The following CFAP46 variants were observed in gnomAD, a reference collection of about 807,000 sequenced individuals.
CFAP46 encodes cilia- and flagella-associated protein 46.
Under a neutral mutation model 325.7 loss-of-function variants are expected in CFAP46, and 245 were observed. The ratio of observed to expected loss-of-function variants is 0.75; its 90% CI spans 0.68 to 0.84. CFAP46 has a LOEUF of 0.84. Ranked by LOEUF, CFAP46 falls within the 40% of genes least tolerant of loss-of-function variation. The probability of loss-of-function intolerance (pLI) is 0.00; values close to 1 mark genes in which losing one functional copy is unlikely to be tolerated. For synonymous variants in CFAP46, 1,523 were observed against 1,495.9 expected (o/e 1.02, Z -0.42); for missense variants, 3,346 against 3,543.0 (o/e 0.94, Z 1.41).
At chr10:132,903,375 C>T (rs559414370) in intron 22 of CFAP46, among the ~76,000 whole-genome samples, 24 of 152,184 alleles carry the variant, frequency 1.6e-4, no homozygotes, top group Non-Finnish European at 2.5e-4. Flanking sequence ...CCCCACCTGC[C>T]GCGTCACATC....
intron 16 of CFAP46, 138 bp from the exon 17 acceptor site, chr10:132,916,820 T>C: frequency 7.9e-7 from 1 of 1,268,852 alleles, no homozygotes; most frequent in South Asian, 1.8e-5. Flanking sequence ...GCTGTGCCCT[T>C]TGCAAGCTGG....
intron 39 of CFAP46, among the ~76,000 whole-genome samples, chr10:132,852,425 ACTTAGGAATTCTCAGATCC>A: frequency 7.2e-6 from 1 of 137,994 alleles, no homozygotes; most frequent in African/African-American, 2.8e-5. Flanking sequence ...TCCTCCATTT[ACTTAGGAATTCTCAGATCC>A]TGATCCACAG....
intron 44 of CFAP46, among the ~76,000 whole-genome samples, chr10:132,840,171 A>G (rs995362604): frequency 1.3e-5 from 2 of 152,180 alleles, no homozygotes; most frequent in Non-Finnish European, 2.9e-5. Flanking sequence ...TGGATTTTCT[A>G]CGCTTCTGTT....
At position 132,937,609 on chromosome 10, in the gene CFAP46, T is replaced by C; in HGVS notation, c.603A>G (p.Ala201=). The C allele has an allele frequency of 6.2e-7, 1 of 1,613,648 alleles. No homozygotes were observed. Among genetic ancestry groups the C allele is most frequent in the African/African-American group, 1.3e-5 (1 of 75,076 alleles). ...KEEAARFCST[A]APFIKSHVPQ... ...GCACGTGAGACTTAATGAACGGAGC[T>C]GCCGTGGAGCAGAACCTGGCAGCCT... is the stretch of plus-strand genomic sequence containing the variant. The change falls in exon 6 of 58, where the codon GCA becomes GCG. Residue 201 remains alanine, a synonymous_variant. Coordinates refer to ENST00000368586, the MANE Select transcript of CFAP46 (RefSeq NM_001200049.3).
chr10:132,892,272 G>T (rs899254408), intron 25 of CFAP46, 61 bp downstream of exon 25: 2 of 1,475,552 alleles, frequency 1.4e-6, no homozygotes, highest in African/African-American at 2.8e-5. Context: ...TTTAAAATTG[G>T]CTCAAGTCCT....
At position 132,859,114 on chromosome 10, in the gene CFAP46, C is replaced by T; in HGVS notation, c.5332G>A (p.Glu1778Lys). Residue 1778 changes from glutamate (E) to lysine (K), a missense_variant, in exon 38 of 58, where the codon GAG (glutamate) becomes AAG (lysine). By Grantham distance (56) the Glu-to-Lys change is moderately conservative. Transcript: ENST00000368586. Reference sequence around the variant, plus strand: ...TCTAGTTTTACGTCAACACAATTCTCTTTGCAGCCACAGTCGATAAACTTT... The same window carrying T: ...TCTAGTTTTACGTCAACACAATTCTTTTTGCAGCCACAGTCGATAAACTTT... The part of the protein sequence containing the change: ...ERKFIDCGCK[E>K]NCVDVKLERA... 1.9e-6 allele frequency: 3 copies of T among 1,550,958 alleles called. No individual in the cohort carries two copies. The highest frequency in any genetic ancestry group is 2.6e-6 in the Non-Finnish European group (3 of 1,147,084).
chr10:132,852,622 TTTAC>T (rs1848577010), intron 39 of CFAP46, among the ~76,000 whole-genome samples: 1 of 152,180 alleles, frequency 6.6e-6, no homozygotes, highest in Non-Finnish European at 1.5e-5. Flanking sequence ...TGTTTCTCCA[TTTAC>T]TTAGACATTC....
chr10:132,877,012 C>T lies in CFAP46; in HGVS notation c.4213-51G>A, dbSNP rs1848966034. 1.3e-6 allele frequency: 2 copies of T among 1,522,860 alleles called. No individual in the cohort carries two copies. The highest frequency in any genetic ancestry group is 1.3e-5 in the South Asian group (1 of 79,216). The allele number at this position is 1,522,860 out of a possible 1,614,324, so 94.3% of individuals were successfully genotyped here. A position where few individuals can be genotyped will look rare whatever the true frequency, so the allele number is the denominator to read the frequency against. ...ACCTGAAACGGTGGAGGTGAAACAG[C>T]AGACACCCCCGGCCCACCGGCATGG... On this transcript the variant is annotated intron_variant, in intron 30 of 57. Transcript: ENST00000368586. This position sits in a 1 kb window ranked among gnomAD's most constrained non-coding sequence, Gnocchi z 5.7.
At chr10:132,866,951 C>G (rs1848822780) in intron 34 of CFAP46, among the ~76,000 whole-genome samples, 1 of 152,200 alleles carries the variant, frequency 6.6e-6, no homozygotes, top group Non-Finnish European at 1.5e-5. Context: ...TTCGCTGCCC[C>G]CACCTTCTCT....
intron 54 of CFAP46, 63 bp from the exon 55 acceptor site, chr10:132,812,960 G>A (rs878912200): frequency 9.0e-5 from 119 of 1,328,224 alleles, no homozygotes; most frequent in South Asian, 8.3e-4. Flanking sequence ...CCCACCGTGC[G>A]TTCTTAAAGC....
chr10:132,810,632 G>A (rs577985701), intron 56 of CFAP46, 143 bp from the exon 57 acceptor site: 19 of 797,862 alleles, frequency 2.4e-5, no homozygotes, highest in Admixed American at 1.4e-4. Flanking sequence ...CAGCAGCGTC[G>A]GCCACTGGTT....
At chr10:132,918,657 C>T (rs1849674457) in intron 15 of CFAP46, 137 bp from the exon 16 acceptor site, 4 of 1,188,874 alleles carry the variant, frequency 3.4e-6, no homozygotes, top group African/African-American at 1.5e-5. Flanking sequence ...GGCGGGTAGG[C>T]GGGAGGTGGG....
At chr10:132,942,223 A>G (rs1850116703) in intron 1 of CFAP46, 119 bp from the exon 2 acceptor site, 2 of 1,370,864 alleles carry the variant, frequency 1.5e-6, no homozygotes, top group African/African-American at 1.5e-5. Flanking sequence ...AGCCACCGTC[A>G]GAACCTGTCG....
chr10:132,910,847 C>T (rs929702782), intron 19 of CFAP46, among the ~76,000 whole-genome samples: 1 of 152,104 alleles, frequency 6.6e-6, no homozygotes, highest in African/African-American at 2.4e-5. Flanking sequence ...CACAGCCATC[C>T]CATCGGAATG....
intron 10 of CFAP46, among the ~76,000 whole-genome samples, chr10:132,926,354 C>A (rs1010193793): frequency 6.6e-6 from 1 of 152,178 alleles, no homozygotes; most frequent in Non-Finnish European, 1.5e-5. Context: ...GACCCCACCC[C>A]ACCAGGGCGG....
rs1334283051 is a variant in CFAP46 at position 132,919,824 on chromosome 10, C to T, written c.1730+235G>A. 2.6e-5 allele frequency among the ~76,000 whole-genome samples: 4 copies of T among 152,120 alleles called. No homozygotes were observed. Among genetic ancestry groups the T allele is most frequent in the East Asian group, 3.9e-4 (2 of 5,170 alleles). On this transcript the variant is annotated intron_variant, in intron 14 of 57. Coordinates refer to ENST00000368586, the MANE Select transcript of CFAP46 (RefSeq NM_001200049.3). This position sits in a 1 kb window ranked among gnomAD's most constrained non-coding sequence, Gnocchi z 9.7. ...TCCTCCGAGTGACAGCAGTGACAGG[C>T]GGGACAGGGCAGCCGCACACCTCAT...
chr10:132,941,774 C>T lies in CFAP46; in HGVS notation c.175-52G>A, dbSNP rs760381901. On this transcript the variant is annotated intron_variant, in intron 2 of 57. Coordinates refer to ENST00000368586, the MANE Select transcript of CFAP46 (RefSeq NM_001200049.3). ...TCACAGACCCGGAGGGGTGGCCTCC[C>T]TGCCCAGAAGCACCACGGGCCCGCT... 4.3e-6 allele frequency: 7 copies of T among 1,609,478 alleles called. No individual in the cohort carries two copies. The East Asian group carries it at 1.6e-4, about 36-fold the overall frequency.
At chr10:132,844,083 TG>T (rs201503033) in intron 44 of CFAP46, among the ~76,000 whole-genome samples, 3,842 of 132,618 alleles carry the variant, frequency 0.029, 112 homozygotes, top group Non-Finnish European at 0.043. Flanking sequence ...CAGGGTGCTG[TG>T]GGGCTCTGGT....
At chr10:132,821,555 ACGTGTGCTGTGTGT>A in intron 50 of CFAP46, among the ~76,000 whole-genome samples, 1 of 85,676 alleles carries the variant, frequency 1.2e-5, no homozygotes, top group Admixed American at 1.6e-4. Flanking sequence ...CTGTGTGCTG[ACGTGTGCTGTGTGT>A]GCGCTGATGT....
Sources: gnomAD v4.1 joint callset for allele counts (sites outside exome capture counted in the v4.1 genomes callset) on GRCh38, gnomAD v4.1.1 for gene constraint, Gnocchi (gnomAD v3.1) non-coding constraint, MANE v1.5 for transcripts, NCBI Gene and HGNC (gene_info 2026-07-23, HGNC 2026-07-21) for gene names.